The following KIF15 variants were observed in gnomAD, a reference collection of about 807,000 sequenced individuals.
KIF15 encodes kinesin-like protein KIF15.
A neutral mutation model predicts 190.6 loss-of-function variants in KIF15; 140 were observed. The observed-to-expected ratio is 0.73, with a 90% CI of 0.64 to 0.84. The LOEUF (loss-of-function observed/expected upper bound fraction) is 0.84. Ranked by LOEUF, KIF15 falls within the 40% of genes least tolerant of loss-of-function variation. KIF15 has a pLI of 0.00. For missense variants in KIF15, 1,372 were observed against 1,584.4 expected (o/e 0.87, Z 2.28); for synonymous variants, 528 against 551.3 (o/e 0.96, Z 0.59).
intron 20 of KIF15, among the ~76,000 whole-genome samples, chr3:44,823,963 G>A (rs560166331): frequency 6.6e-5 from 10 of 152,280 alleles, no homozygotes; most frequent in Non-Finnish European, 1.0e-4. Context: ...GACCCCTTGC[G>A]CTTCCTGGGT....
chr3:44,776,460 G>A (rs114069690), intron 3 of KIF15, among the ~76,000 whole-genome samples: 1,671 of 151,676 alleles, frequency 0.011, 25 homozygotes, highest in African/African-American at 0.037. Flanking sequence ...GTTCATTGTA[G>A]TAGCCATTAG....
intron 12 of KIF15, 68 bp downstream of exon 12, chr3:44,801,594 C>T: frequency 1.9e-6 from 2 of 1,079,662 alleles, no homozygotes; most frequent in South Asian, 1.4e-5. Flanking sequence ...GTTTTTATTG[C>T]CTTACTAAGT....
In KIF15 at chr3:44,861,947, C is replaced by T. The variant is rs752512492; in HGVS notation, c.*59+9153C>T. 1.3e-5 allele frequency: 18 copies of T among 1,407,224 alleles called. No individual in the cohort carries two copies. In the African/African-American group the frequency reaches 2.0e-4, roughly 15 times the overall value. The allele number at this position is 1,407,224 out of a possible 1,614,324, so 87.2% of individuals were successfully genotyped here. ...AACATGGCCGAGAGGCCGGGGCCTC[C>T]GGGCGGCGCCGTGTCCGCGACCGCG... On this transcript the variant is annotated intron_variant and NMD_transcript_variant, in intron 6 of 6. Transcript: ENST00000422209.
chr3:44,811,287 C>G (rs187620847), intron 17 of KIF15, among the ~76,000 whole-genome samples: 3 of 152,256 alleles, frequency 2.0e-5, no homozygotes, highest in Admixed American at 6.5e-5. Context: ...TATAAAATGA[C>G]CAGTTGGCCA....
intron 32 of KIF15, among the ~76,000 whole-genome samples, chr3:44,851,282 G>A (rs1699050492): frequency 6.6e-6 from 1 of 152,114 alleles, no homozygotes; most frequent in Non-Finnish European, 1.5e-5. Context: ...GGGGTGGGGG[G>A]TGAAGTAGGC....
chr3:44,786,591 AC>A lies in KIF15; in HGVS notation c.639+18del. ...GCCTATCAGGTACCCTGCCATGAGT[AC>A]TTAATTGGTGCTTAGGCAACAAACC... On this transcript the variant is annotated intron_variant, in intron 7 of 34. Transcript: ENST00000326047. 1 of 1,589,502 alleles carries A rather than the reference AC, an allele frequency of 6.3e-7. No individual in the cohort carries two copies. The highest frequency in any genetic ancestry group is 8.6e-7 in the Non-Finnish European group (1 of 1,163,322).
intron 20 of KIF15, among the ~76,000 whole-genome samples, chr3:44,822,370 T>G (rs920671369): frequency 1.3e-5 from 2 of 152,214 alleles, no homozygotes; most frequent in African/African-American, 4.8e-5. Context: ...TGCTGAGAGA[T>G]CCGCTGTTAG....
intron 1 of KIF15, among the ~76,000 whole-genome samples, chr3:44,768,623 G>A (rs1475447165): frequency 1.3e-5 from 2 of 152,158 alleles, no homozygotes; most frequent in African/African-American, 2.4e-5. Flanking sequence ...CCCGGCAGGC[G>A]TTTGGCTGTC....
At chr3:44,851,277 G>C (rs1320937593) in intron 32 of KIF15, among the ~76,000 whole-genome samples, 2 of 152,236 alleles carry the variant, frequency 1.3e-5, no homozygotes, top group East Asian at 3.9e-4. Flanking sequence ...AAAGGGGGGT[G>C]GGGGGTGAAG....
At chr3:44,856,782 C>G (rs546669117), downstream of KIF15, among the ~76,000 whole-genome samples, 1 of 152,078 alleles carries the variant, frequency 6.6e-6, no homozygotes, top group African/African-American at 2.4e-5. Context: ...ATTAAGGAGG[C>G]CTTAATGATG....
intron 25 of KIF15, among the ~76,000 whole-genome samples, chr3:44,830,686 C>A (rs1342555411): frequency 1.3e-5 from 2 of 152,124 alleles, no homozygotes; most frequent in East Asian, 3.9e-4. Context: ...AGATGACAAA[C>A]CCTGTGTTTT....
rs1697942622 is a variant in KIF15, at chr3:44,829,662, GTATATATAATATATGTA to G, written c.2944-301_2944-285del. On this transcript the variant is annotated intron_variant, in intron 24 of 34. Transcript: ENST00000326047. ...TATATATTATATATGTATATATTAT[GTATATATAATATATGTA>G]TATATATTATAGATGTATATATATT... Among the ~76,000 whole-genome samples, 2 of 107,062 alleles carry G rather than the reference GTATATATAATATATGTA, an allele frequency of 1.9e-5. 1 individual carries two copies. Among genetic ancestry groups the G allele is most frequent in the African/African-American group, 7.5e-5 (2 of 26,726 alleles). 70.2% of individuals were successfully genotyped at this position (107,062 alleles called of 152,430 possible).
downstream of KIF15, among the ~76,000 whole-genome samples, chr3:44,855,622 TG>T (rs531427838): frequency 5.3e-5 from 8 of 152,212 alleles, no homozygotes; most frequent in East Asian, 1.5e-3. Flanking sequence ...AGGGGCGGCG[TG>T]GGAACCTACA....
rs150223140 is a variant in KIF15, at chr3:44,776,834, T to A, written c.247-1281T>A. Reference sequence around the variant, plus strand: ...TAAATTAATTAAAATTAAATCAAATTTAAAATTCAGTGCCTCAGATGCACT... The same window carrying A: ...TAAATTAATTAAAATTAAATCAAATATAAAATTCAGTGCCTCAGATGCACT... On this transcript the variant is annotated intron_variant, in intron 3 of 34. Transcript: ENST00000326047. 3.1e-3 allele frequency among the ~76,000 whole-genome samples: 475 copies of A among 152,284 alleles called. 9 individuals are homozygous for A. The highest frequency in any genetic ancestry group is 0.027 in the Admixed American group (416 of 15,282).
chr3:44,822,398 T>A (rs1463898365), intron 20 of KIF15, among the ~76,000 whole-genome samples: 1 of 152,216 alleles, frequency 6.6e-6, no homozygotes, highest in Admixed American at 6.5e-5. Flanking sequence ...GGCTTCCCTT[T>A]GTGGGTAACC....
At chr3:44,785,987 G>A (rs1333925364) in intron 6 of KIF15, among the ~76,000 whole-genome samples, 2 of 152,144 alleles carry the variant, frequency 1.3e-5, no homozygotes, top group Non-Finnish European at 2.9e-5. Flanking sequence ...TTGGGAGGCC[G>A]AGGCAAATCA....
intron 8 of KIF15, among the ~76,000 whole-genome samples, chr3:44,797,270 C>T (rs548208438): frequency 6.6e-6 from 1 of 152,294 alleles, no homozygotes; most frequent in Admixed American, 6.5e-5. Flanking sequence ...CTCAAGCAAC[C>T]TGCCCACCTC....
chr3:44,820,338 C>CT lies in KIF15; in HGVS notation c.2549+5274dup, dbSNP rs1193615143. Among the ~76,000 whole-genome samples the CT allele has an allele frequency of 5.4e-3, 764 of 140,572 alleles. 5 individuals are homozygous for CT. The highest frequency in any genetic ancestry group is 0.017 in the African/African-American group (665 of 38,660). The allele number at this position is 140,572 out of a possible 152,430, so 92.2% of individuals were successfully genotyped here. ...GTTGATGCAGTTTCTTTTTTTTTTC[C>CT]TTTTTTTTTTTTAAACTTTTATTTA... is the stretch of plus-strand genomic sequence containing the variant. On this transcript the variant is annotated intron_variant, in intron 20 of 34. Transcript: ENST00000326047.
At chr3:44,853,623 C>T (rs1354322249), downstream of KIF15, among the ~76,000 whole-genome samples, 1 of 152,172 alleles carries the variant, frequency 6.6e-6, no homozygotes, top group Non-Finnish European at 1.5e-5. Flanking sequence ...AAGACATTGC[C>T]TGTTTTCCAA....
Sources: gnomAD v4.1 joint callset for allele counts (sites outside exome capture counted in the v4.1 genomes callset) on GRCh38, gnomAD v4.1.1 for gene constraint, MANE v1.5 for transcripts, NCBI Gene and HGNC (gene_info 2026-07-23, HGNC 2026-07-21) for gene names.